The following AKR1C3 variants were observed in gnomAD, a reference collection of about 807,000 sequenced individuals.
The protein encoded by AKR1C3 is 3-alpha hydroxysteroid dehydrogenase, type II.
In AKR1C3, 48 loss-of-function variants were observed where a neutral mutation model predicts 43.6. That is an observed-to-expected ratio of 1.10 (90% confidence interval 0.87 to 1.40). The LOEUF (loss-of-function observed/expected upper bound fraction) is 1.40, where lower values mean the gene tolerates loss of function less well. AKR1C3 is among the 40% of genes most tolerant of loss of function. The pLI is 0.00. For missense variants in AKR1C3, 482 were observed against 391.2 expected, an observed-to-expected ratio of 1.23 and a Z score of -1.96; for synonymous variants, 162 against 139.6, an observed-to-expected ratio of 1.16 and a Z score of -1.13.
chr10:5,067,258 T>C (rs1346984424), intron 1 of AKR1C3, among the ~76,000 whole-genome samples: 4 of 152,002 alleles, frequency 2.6e-5, no homozygotes, highest in African/African-American at 9.7e-5. Context: ...CAAGAAAAAA[T>C]AATAAAAGAT....
intron 1 of AKR1C3, among the ~76,000 whole-genome samples, chr10:5,051,975 G>C (rs1564350711): frequency 6.6e-6 from 1 of 152,156 alleles, no homozygotes; most frequent in Non-Finnish European, 1.5e-5. Context: ...TAGGATCGGG[G>C]GTGGTGTGTC....
chr10:5,098,352 C>A (rs1839263783), intron 3 of AKR1C3, among the ~76,000 whole-genome samples: 1 of 152,186 alleles, frequency 6.6e-6, no homozygotes, highest in Non-Finnish European at 1.5e-5. Flanking sequence ...AAGACAACTC[C>A]TCTGGGTCTC....
intron 1 of AKR1C3, chr10:5,078,084 G>A: frequency 1.7e-6 from 1 of 604,800 alleles, no homozygotes; most frequent in Non-Finnish European, 2.9e-6. Context: ...AGCTATAAAA[G>A]GAATGATGTC....
chr10:5,087,202 G>T (rs1034915035), intron 1 of AKR1C3, among the ~76,000 whole-genome samples: 4 of 152,068 alleles, frequency 2.6e-5, no homozygotes, highest in Non-Finnish European at 5.9e-5. Flanking sequence ...GCAGTGGCTG[G>T]TACCGTTTGT....
At chr10:5,097,651 A>T in intron 3 of AKR1C3, 101 bp downstream of exon 3, 1 of 1,591,404 alleles carries the variant, frequency 6.3e-7, no homozygotes, top group South Asian at 1.1e-5. Flanking sequence ...GGATGTAGGG[A>T]TTATCACACA....
chr10:5,077,831 T>C, intron 1 of AKR1C3: 1 of 540,942 alleles, frequency 1.8e-6, no homozygotes, highest in Non-Finnish European at 3.0e-6. Flanking sequence ...AATGTAAAAA[T>C]AACATATAAA....
At chr10:5,094,873 TGAA>T (rs1170867227) in intron 1 of AKR1C3, among the ~76,000 whole-genome samples, 4 of 152,164 alleles carry the variant, frequency 2.6e-5, no homozygotes, top group African/African-American at 4.8e-5. Context: ...TTTCTACAAC[TGAA>T]GAAATCTTTC....
chr10:5,057,974 T>G (rs578066489), intron 1 of AKR1C3, among the ~76,000 whole-genome samples: 303 of 152,326 alleles, frequency 2.0e-3, no homozygotes, highest in African/African-American at 7.0e-3. Context: ...CTTCCCCAGG[T>G]CTGCCTTGAT....
chr10:5,050,046 G>A (rs1275851750), intron 1 of AKR1C3, among the ~76,000 whole-genome samples: 5 of 145,178 alleles, frequency 3.4e-5, no homozygotes, highest in African/African-American at 1.3e-4. Context: ...TCCAAAATTT[G>A]TGCTTATATC....
chr10:5,105,305 GTGACCCTA>G (rs1554786980), intron 7 of AKR1C3: 29 of 9,830 alleles, frequency 3.0e-3, no homozygotes, highest in Non-Finnish European at 6.1e-3. Context: ...TGGGCACAAT[GTGACCCTA>G]TCATGTGGGC....
intron 1 of AKR1C3, among the ~76,000 whole-genome samples, chr10:5,063,765 C>CAA (rs71391987): frequency 0.017 from 810 of 46,288 alleles, 54 homozygotes; most frequent in African/African-American, 0.06. Flanking sequence ...TCTGTCTCAG[C>CAA]AAAAAAAAAA....
rs578172369 is a variant in AKR1C3 at position 5,087,024 on chromosome 10, AT to A, written c.85-9383del. On this transcript the variant is annotated intron_variant, in intron 1 of 8. Transcript: ENST00000439082. ...CTGATGGGTCTTGACTCTTTATCCA[AT>A]TTGCCAGTCTGTCTTTTAATTGGAG... is the stretch of plus-strand genomic sequence containing the variant. Among the ~76,000 whole-genome samples, 348 of 152,224 alleles carry A rather than the reference AT, an allele frequency of 2.3e-3. 1 individual carries two copies. Among genetic ancestry groups the A allele is most frequent in the African/African-American group, 7.8e-3 (322 of 41,530 alleles).
chr10:5,058,072 T>C (rs931898233), intron 1 of AKR1C3, among the ~76,000 whole-genome samples: 14 of 152,056 alleles, frequency 9.2e-5, no homozygotes, highest in Non-Finnish European at 1.3e-4. Flanking sequence ...ACATAACCAA[T>C]AGCCCGGGGG....
chr10:5,079,384 A>G (rs1554782145), intron 1 of AKR1C3, among the ~76,000 whole-genome samples: 1 of 152,166 alleles, frequency 6.6e-6, no homozygotes, highest in Non-Finnish European at 1.5e-5. Context: ...GGCTGCAGAC[A>G]CAGAAATAGC....
intron 1 of AKR1C3, among the ~76,000 whole-genome samples, chr10:5,065,440 A>G (rs1838481308): frequency 6.6e-6 from 1 of 152,318 alleles, no homozygotes; most frequent in Middle Eastern, 3.4e-3. Context: ...CAAGATGATG[A>G]TATTAGGAGG....
At chr10:5,077,337 C>G (rs1474866821) in intron 1 of AKR1C3, among the ~76,000 whole-genome samples, 1 of 151,936 alleles carries the variant, frequency 6.6e-6, no homozygotes, top group Non-Finnish European at 1.5e-5. Context: ...GGAGAAAAAT[C>G]AAAAAGCAAG....
intron 7 of AKR1C3, among the ~76,000 whole-genome samples, chr10:5,103,732 C>T (rs1483550906): frequency 2.6e-5 from 4 of 152,164 alleles, no homozygotes; most frequent in African/African-American, 9.7e-5. Flanking sequence ...TCAGGGCTGC[C>T]ACGCCATTGC....
At chr10:5,066,412 G>T (rs1838502288) in intron 1 of AKR1C3, among the ~76,000 whole-genome samples, 1 of 152,132 alleles carries the variant, frequency 6.6e-6, no homozygotes, top group Non-Finnish European at 1.5e-5. Context: ...ATCATTTTGG[G>T]TTTCCCATCT....
At chr10:5,054,872 A>G (rs1838227107) in intron 1 of AKR1C3, among the ~76,000 whole-genome samples, 2 of 151,444 alleles carry the variant, frequency 1.3e-5, no homozygotes, top group Non-Finnish European at 2.9e-5. Flanking sequence ...TCTTCTTCCC[A>G]TTTTGATGGA....
Sources: allele counts gnomAD v4.1 joint callset (sites outside exome capture counted in the v4.1 genomes callset), GRCh38; gene constraint gnomAD v4.1.1; transcripts MANE v1.5; gene names NCBI Gene and HGNC (gene_info 2026-07-23, HGNC 2026-07-21).